The following RAB28 variants were observed in gnomAD, a reference collection of about 807,000 sequenced individuals.
The protein encoded by RAB28 is RAB28, member RAS oncogene family.
A neutral mutation model predicts 31.7 loss-of-function variants in RAB28; 24 were observed. The ratio of observed to expected loss-of-function variants is 0.76; its 90% confidence interval spans 0.55 to 1.06. The LOEUF (loss-of-function observed/expected upper bound fraction) is 1.06, where lower values mean the gene tolerates loss of function less well. RAB28 is among the 50% of genes least tolerant of loss of function. The probability of loss-of-function intolerance (pLI) is 0.00; values close to 1 mark genes in which losing one functional copy is unlikely to be tolerated. For missense variants in RAB28, 254 were observed against 258.5 expected (o/e 0.98, Z 0.12); for synonymous variants, 100 against 90.4 (o/e 1.11, Z -0.60).
chr4:13,473,162 A>G (rs181919199), intron 3 of RAB28, among the ~76,000 whole-genome samples: 33 of 152,142 alleles, frequency 2.2e-4, no homozygotes, highest in Non-Finnish European at 4.3e-4. Flanking sequence ...AATCAAGGCA[A>G]CGGTATTTGA....
intron 4 of RAB28, among the ~76,000 whole-genome samples, chr4:13,430,492 T>G (rs1259013332): frequency 3.9e-5 from 6 of 152,168 alleles, no homozygotes; most frequent in Non-Finnish European, 7.4e-5. Context: ...AACTGTTGGG[T>G]AGACTCTTTG....
chr4:13,430,182 T>C (rs1374902785), intron 4 of RAB28, among the ~76,000 whole-genome samples: 2 of 152,102 alleles, frequency 1.3e-5, no homozygotes, highest in African/African-American at 2.4e-5. Flanking sequence ...AATTTTTTTT[T>C]TACTCAAAAT....
intron 4 of RAB28, among the ~76,000 whole-genome samples, chr4:13,434,112 G>T (rs1187994909): frequency 1.3e-5 from 2 of 152,046 alleles, no homozygotes; most frequent in African/African-American, 4.8e-5. Context: ...GCCAAAGACT[G>T]GGTACACATG....
intron 6 of RAB28, 41 bp from the exon 7 acceptor site, chr4:13,368,691 A>G (rs1166372809): frequency 3.9e-6 from 6 of 1,540,086 alleles, no homozygotes; most frequent in Non-Finnish European, 5.3e-6. Flanking sequence ...GGATATCAGA[A>G]CATTTAGAAA....
At chr4:13,407,857 A>G (rs541689134) in intron 4 of RAB28, among the ~76,000 whole-genome samples, 1 of 152,272 alleles carries the variant, frequency 6.6e-6, no homozygotes, top group Admixed American at 6.5e-5. Context: ...ATTTTTGCAC[A>G]TTGATTTTGT....
chr4:13,449,067 A>C (rs1379831622), intron 4 of RAB28, among the ~76,000 whole-genome samples: 3 of 152,010 alleles, frequency 2.0e-5, no homozygotes, highest in Non-Finnish European at 4.4e-5. Flanking sequence ...TTTAGCTTAA[A>C]ATGTATAAAG....
rs1728589808 is a variant in RAB28 at position 13,368,374 on chromosome 4, TG to T, written c.*183del. On this transcript the variant is annotated 3_prime_UTR_variant, in exon 7 of 7. Transcript: ENST00000330852. Reference sequence around the variant, plus strand: ...AATTCAAAGTGTGTGGTCCCAAAGTTGAATTCTTTCAAATCCAAGGAGCTGC... The same window carrying T: ...AATTCAAAGTGTGTGGTCCCAAAGTTAATTCTTTCAAATCCAAGGAGCTGC... 3 of 1,236,342 alleles carry T rather than the reference TG, an allele frequency of 2.4e-6. No individual in the cohort carries two copies. Among genetic ancestry groups the T allele is most frequent in the Non-Finnish European group, 3.0e-6 (3 of 989,236 alleles). 76.6% of individuals were successfully genotyped at this position (1,236,342 alleles called of 1,614,324 possible).
chr4:13,460,046 C>CT lies in RAB28; in HGVS notation c.391+652dup, dbSNP rs576064873. ...ACAGTTATTGAAAAGATTGTACACA[C>CT]TCTTAGGAATTTTCTACTCAAATAA... On this transcript the variant is annotated intron_variant, in intron 4 of 6. Transcript: ENST00000330852. 102 of 464,866 alleles carry CT rather than the reference C, an allele frequency of 2.2e-4. 1 individual carries two copies. The highest frequency in any genetic ancestry group is 1.9e-3 in the South Asian group (97 of 51,356). 28.8% of individuals were successfully genotyped at this position (464,866 alleles called of 1,614,324 possible). A position where few individuals can be genotyped will look rare whatever the true frequency, so the allele number is the denominator to read the frequency against.
intron 6 of RAB28, chr4:13,371,079 G>A (rs1358240712): frequency 1.0e-6 from 1 of 984,428 alleles, no homozygotes. Context: ...AATATGAGCT[G>A]CTGTGTGTGA....
At chr4:13,418,927 T>A (rs1388147047) in intron 4 of RAB28, among the ~76,000 whole-genome samples, 4 of 152,158 alleles carry the variant, frequency 2.6e-5, no homozygotes. Flanking sequence ...GTAAATGGGC[T>A]AAATGCCCCA....
At chr4:13,482,915 AGTC>A (rs1716677036) in intron 1 of RAB28, among the ~76,000 whole-genome samples, 1 of 152,246 alleles carries the variant, frequency 6.6e-6, no homozygotes, top group Admixed American at 6.5e-5. Flanking sequence ...TGCAAAGAGA[AGTC>A]GTCACCAGAG....
At chr4:13,465,588 T>C (rs535506165) in intron 3 of RAB28, among the ~76,000 whole-genome samples, 1 of 151,686 alleles carries the variant, frequency 6.6e-6, no homozygotes, top group South Asian at 2.1e-4. Flanking sequence ...AAAGATCTTC[T>C]CAGAAAAACA....
intron 3 of RAB28, among the ~76,000 whole-genome samples, chr4:13,468,298 C>G (rs1389914957): frequency 6.6e-6 from 1 of 151,938 alleles, no homozygotes; most frequent in Non-Finnish European, 1.5e-5. Context: ...TATTCCCTAG[C>G]TCTCACGGTA....
chr4:13,412,876 T>C (rs988371346), intron 4 of RAB28, among the ~76,000 whole-genome samples: 19 of 151,874 alleles, frequency 1.3e-4, no homozygotes, highest in African/African-American at 4.4e-4. Context: ...TGATGAAACC[T>C]GAGCAAATAG....
At chr4:13,417,733 C>G (rs1399553491) in intron 4 of RAB28, among the ~76,000 whole-genome samples, 1 of 152,124 alleles carries the variant, frequency 6.6e-6, no homozygotes, top group African/African-American at 2.4e-5. Context: ...ACACCAAAAC[C>G]CCATCTATAG....
intron 4 of RAB28, among the ~76,000 whole-genome samples, chr4:13,442,896 G>A (rs927729148): frequency 7.2e-5 from 11 of 152,254 alleles, no homozygotes; most frequent in Admixed American, 3.3e-4. Flanking sequence ...AACTGAACCC[G>A]TATCAGAATT....
At chr4:13,441,206 T>G (rs1352328278) in intron 4 of RAB28, among the ~76,000 whole-genome samples, 1 of 152,200 alleles carries the variant, frequency 6.6e-6, no homozygotes, top group African/African-American at 2.4e-5. Flanking sequence ...ACATAAAGTT[T>G]GCTACGCCCT....
chr4:13,451,840 G>T (rs934094258), intron 4 of RAB28, among the ~76,000 whole-genome samples: 2 of 151,854 alleles, frequency 1.3e-5, no homozygotes, highest in South Asian at 2.1e-4. Context: ...ATTTATTGAA[G>T]AGAGTGTCCT....
intron 4 of RAB28, among the ~76,000 whole-genome samples, chr4:13,405,304 T>C (rs183137379): frequency 1.3e-5 from 2 of 152,294 alleles, no homozygotes; most frequent in African/African-American, 4.8e-5. Flanking sequence ...CCGAGAAGTG[T>C]ATCTCATGGG....
Sources: allele counts gnomAD v4.1 joint callset (sites outside exome capture counted in the v4.1 genomes callset), GRCh38; gene constraint gnomAD v4.1.1; transcripts MANE v1.5; gene names NCBI Gene and HGNC (gene_info 2026-07-23, HGNC 2026-07-21).